ALPK2: variants seen among roughly 807,000 people sequenced by gnomAD.
The protein encoded by ALPK2 is alpha-protein kinase 2.
A neutral mutation model predicts 163.1 loss-of-function variants in ALPK2; 127 were observed. The ratio of observed to expected loss-of-function variants is 0.78; its 90% CI spans 0.67 to 0.90. The LOEUF (loss-of-function observed/expected upper bound fraction) is 0.90. Among genes scored for constraint, ALPK2 ranks in the 40% least tolerant of loss-of-function variants. ALPK2 has a pLI of 0.00. For synonymous variants in ALPK2, 953 were observed against 959.1 expected, an observed-to-expected ratio of 0.99 and a Z score of 0.12; for missense variants, 2,360 against 2,589.6, an observed-to-expected ratio of 0.91 and a Z score of 1.92.
At chr18:58,563,243 C>A (rs2051834351) in intron 4 of ALPK2, among the ~76,000 whole-genome samples, 1 of 152,218 alleles carries the variant, frequency 6.6e-6, no homozygotes, top group African/African-American at 2.4e-5. Flanking sequence ...CTCATGATCA[C>A]ACTATTCCCT....
rs2051754607 is a variant in ALPK2, at chr18:58,550,771, A to G, written c.1963-12547T>C. 2.0e-5 allele frequency among the ~76,000 whole-genome samples: 3 copies of G among 149,506 alleles called. No individual in the cohort carries two copies. The South Asian group carries it at 6.4e-4, about 32-fold the overall frequency. On this transcript the variant is annotated intron_variant, in intron 4 of 12. Transcript: ENST00000361673. ...ATACAACCCCATCCCTATCTCTATC[A>G]TGTACAACCCCATCCACATCTCCAT...
chr18:58,573,226 G>GTATATATGTA (rs1346732511), intron 4 of ALPK2, among the ~76,000 whole-genome samples: 8,105 of 138,578 alleles, frequency 0.058, 969 homozygotes, highest in African/African-American at 0.082. Context: ...ATATATATGT[G>GTATATATGTA]TATATGTGTG....
rs747945619 is a variant in ALPK2 at position 58,521,617 on chromosome 18, T to TTC, written c.5665+2187_5665+2188dup. On this transcript the variant is annotated intron_variant, in intron 8 of 12. Transcript: ENST00000361673. ...TGCTAGGCCATTTCTTTTTCTTTCT[T>TTC]TCTCTCTCTCTTTTTTTTTTTTTTT... Among the ~76,000 whole-genome samples the TTC allele has an allele frequency of 6.6e-3, 649 of 99,006 alleles. 41 individuals are homozygous for TTC. Among genetic ancestry groups the TTC allele is most frequent in the African/African-American group, 1.0e-2 (290 of 29,034 alleles). 65.0% of individuals were successfully genotyped at this position (99,006 alleles called of 152,430 possible).
intron 1 of ALPK2, among the ~76,000 whole-genome samples, chr18:58,619,885 G>A (rs1042311160): frequency 6.6e-6 from 1 of 152,176 alleles, no homozygotes; most frequent in African/African-American, 2.4e-5. Flanking sequence ...GCCAAAAATT[G>A]GAAACAACCT....
chr18:58,628,220 A>T (rs1347403276), intron 1 of ALPK2, among the ~76,000 whole-genome samples: 4 of 152,244 alleles, frequency 2.6e-5, no homozygotes, highest in Admixed American at 6.5e-5. Flanking sequence ...AAAGCCTGAT[A>T]GCTTTTCAGC....
intron 10 of ALPK2, among the ~76,000 whole-genome samples, chr18:58,510,251 T>C (rs1262619791): frequency 6.6e-6 from 1 of 152,214 alleles, no homozygotes; most frequent in Non-Finnish European, 1.5e-5. Context: ...TACATCTCTG[T>C]TTTGGTACCA....
chr18:58,555,875 G>A (rs930336372), intron 4 of ALPK2, among the ~76,000 whole-genome samples: 5 of 152,170 alleles, frequency 3.3e-5, no homozygotes, highest in African/African-American at 1.2e-4. Flanking sequence ...AGGCTGGAGT[G>A]CAGTGGCACA....
At chr18:58,559,765 A>T (rs530120594) in intron 4 of ALPK2, among the ~76,000 whole-genome samples, 10 of 152,288 alleles carry the variant, frequency 6.6e-5, no homozygotes, top group Admixed American at 2.6e-4. Flanking sequence ...GCCAAAGACA[A>T]CTGGAATTTG....
At position 58,579,263 on chromosome 18, in the gene ALPK2, T is replaced by C. The variant is rs1156799880; in HGVS notation, c.1513A>G (p.Asn505Asp). ...EMKLLSGESENSGMSQCWETA... is the reference protein window; with the variant it reads ...EMKLLSGESEDSGMSQCWETA... ...TCCCAACACTGGCTCATCCCTGAGTTTTCTGACTCACCAGACAAGAGCTTC... is the reference window on the plus strand; with the variant it reads ...TCCCAACACTGGCTCATCCCTGAGTCTTCTGACTCACCAGACAAGAGCTTC... The change falls in exon 4 of 13, where the codon AAC (asparagine) becomes GAC (aspartate). Residue 505 changes from asparagine (N) to aspartate (D), a missense_variant. Physicochemically the swap from Asn to Asp is conservative, Grantham distance 23. Coordinates refer to ENST00000361673, the MANE Select transcript of ALPK2 (RefSeq NM_052947.4). The C allele has an allele frequency of 1.2e-6, 2 of 1,614,022 alleles. No homozygotes were observed. Among genetic ancestry groups the C allele is most frequent in the Non-Finnish European group, 1.7e-6 (2 of 1,180,014 alleles).
intron 9 of ALPK2, 146 bp from the exon 10 acceptor site, chr18:58,515,227 G>A (rs912726059): frequency 3.6e-6 from 2 of 549,794 alleles, no homozygotes; most frequent in South Asian, 2.6e-5. Context: ...CAGAGGCAAC[G>A]ATTATTAGAA....
At chr18:58,587,506 T>TG (rs1158823938) in intron 3 of ALPK2, among the ~76,000 whole-genome samples, 1 of 151,980 alleles carries the variant, frequency 6.6e-6, no homozygotes, top group Non-Finnish European at 1.5e-5. Flanking sequence ...TCTAAAGAGC[T>TG]GAAAAAAAGT....
intron 12 of ALPK2, among the ~76,000 whole-genome samples, chr18:58,483,288 G>A (rs1188931962): frequency 6.6e-6 from 1 of 152,156 alleles, no homozygotes; most frequent in African/African-American, 2.4e-5. Flanking sequence ...CACACTGCCA[G>A]CAGAGTAACC....
chr18:58,486,042 C>T (rs1349401704), intron 12 of ALPK2, among the ~76,000 whole-genome samples: 2 of 152,300 alleles, frequency 1.3e-5, no homozygotes, highest in Middle Eastern at 3.4e-3. Context: ...GTGTTAATGC[C>T]AGGTAAAAAG....
intron 4 of ALPK2, among the ~76,000 whole-genome samples, chr18:58,557,906 A>G (rs1383631967): frequency 6.6e-6 from 1 of 152,038 alleles, no homozygotes; most frequent in Non-Finnish European, 1.5e-5. Context: ...CTATGATCAC[A>G]CCACTGCACT....
chr18:58,527,886 A>G (rs938710678), intron 6 of ALPK2, among the ~76,000 whole-genome samples: 2 of 152,212 alleles, frequency 1.3e-5, no homozygotes, highest in African/African-American at 4.8e-5. Flanking sequence ...CATTTGAGAA[A>G]TAGTTTCCAG....
intron 2 of ALPK2, among the ~76,000 whole-genome samples, chr18:58,607,929 A>C (rs933484863): frequency 6.6e-6 from 1 of 152,196 alleles, no homozygotes; most frequent in African/African-American, 2.4e-5. Context: ...AGAAAAGATA[A>C]TCCTATAAGT....
intron 4 of ALPK2, among the ~76,000 whole-genome samples, chr18:58,550,877 T>C (rs2051755612): frequency 6.7e-6 from 1 of 149,196 alleles, no homozygotes; most frequent in Non-Finnish European, 1.5e-5. Flanking sequence ...CCCACCTCCA[T>C]CACATACAAC....
chr18:58,578,691 T>C (rs1360188168), intron 4 of ALPK2, 123 bp downstream of exon 4: 1 of 886,784 alleles, frequency 1.1e-6, no homozygotes, highest in East Asian at 2.6e-5. Flanking sequence ...TATTTTGATT[T>C]ACATTATGGT....
At chr18:58,594,524 A>T (rs925015563) in intron 3 of ALPK2, among the ~76,000 whole-genome samples, 1 of 152,188 alleles carries the variant, frequency 6.6e-6, no homozygotes, top group African/African-American at 2.4e-5. Context: ...TGGGAGCAGG[A>T]CTAAGATGAA....
Sources: allele counts gnomAD v4.1 joint callset (sites outside exome capture counted in the v4.1 genomes callset), GRCh38; gene constraint gnomAD v4.1.1; transcripts MANE v1.5; gene names NCBI Gene and HGNC (gene_info 2026-07-23, HGNC 2026-07-21).